TRIP12: variants seen among roughly 807,000 people sequenced by gnomAD.
TRIP12 encodes E3 ubiquitin-protein ligase TRIP12.
In TRIP12, 25 loss-of-function variants were observed where a neutral mutation model predicts 244.2. That is an observed-to-expected ratio of 0.10 (90% CI 0.07 to 0.14). The LOEUF (loss-of-function observed/expected upper bound fraction) is 0.14, where lower values mean the gene tolerates loss of function less well. Ranked by LOEUF, TRIP12 falls within the 10% of genes least tolerant of loss-of-function variation. The pLI, the probability that TRIP12 is intolerant of heterozygous loss-of-function variation, is 1.00. For synonymous variants in TRIP12, 905 were observed against 873.1 expected, an observed-to-expected ratio of 1.04 and a Z score of -0.64; for missense variants, 1,677 against 2,486.4, an observed-to-expected ratio of 0.67 and a Z score of 6.92.
In TRIP12 at chr2:229,788,832, T is replaced by A; in HGVS notation, c.4804A>T (p.Ile1602Phe). The change falls in exon 32 of 42, where the codon ATC becomes TTC. Residue 1602 changes from isoleucine (I) to phenylalanine (F), a missense_variant. By Grantham distance (21) the Ile-to-Phe change is conservative. This residue lies in a region of TRIP12 where 265 missense variants were observed against 370.8 expected (regional missense o/e 0.71). Transcript: ENST00000675903. The stretch of plus-strand genomic sequence containing the variant: ...CCTAGCTCAGTAAGCCATGTTGGGA[T>A]GTTTCCTGTCATGATTACTAAAGGA... ...QDPLVIMTGN[I>F]PTWLTELGKT... is the part of the protein sequence containing the mutation. 6.2e-7 allele frequency: 1 copy of A among 1,614,070 alleles called. No individual in the cohort carries two copies. Among genetic ancestry groups the A allele is most frequent in the Non-Finnish European group, 8.5e-7 (1 of 1,179,984 alleles).
chr2:229,805,222 A>AAACCACAAC, intron 18 of TRIP12, among the ~76,000 whole-genome samples: 1 of 149,366 alleles, frequency 6.7e-6, no homozygotes, highest in East Asian at 2.0e-4. Flanking sequence ...GCCCTTTTCA[A>AAACCACAAC]AACAACAACA....
intron 1 of TRIP12, among the ~76,000 whole-genome samples, chr2:229,909,516 C>T (rs866666907): frequency 1.3e-5 from 2 of 151,612 alleles, no homozygotes; most frequent in Non-Finnish European, 2.9e-5. Context: ...AGTGACTGTG[C>T]CACTGGACTC....
chr2:229,785,739 A>T lies in TRIP12; in HGVS notation c.5094+18T>A. On this transcript the variant is annotated intron_variant, in intron 34 of 41. Transcript: ENST00000675903. ...GCACAAGTCAAGCTAAATAACCATC[A>T]CCAGACTCCAAGCTCACCTCATTTT... 3.1e-6 allele frequency: 5 copies of T among 1,609,090 alleles called. No individual in the cohort carries two copies. The highest frequency in any genetic ancestry group is 4.2e-6 in the Non-Finnish European group (5 of 1,177,148).
In TRIP12 at chr2:229,864,047, AGTGTGTGTGTGT is replaced by A. The variant is rs371818159; in HGVS notation, c.99-3528_99-3517del. Among the ~76,000 whole-genome samples, 294 of 79,294 alleles carry A rather than the reference AGTGTGTGTGTGT, an allele frequency of 3.7e-3. 4 individuals are homozygous for A. Among genetic ancestry groups the A allele is most frequent in the African/African-American group, 0.014 (283 of 20,572 alleles). 52.0% of individuals were successfully genotyped at this position (79,294 alleles called of 152,430 possible). A position where few individuals can be genotyped will look rare whatever the true frequency, so the allele number is the denominator to read the frequency against. On this transcript the variant is annotated intron_variant, in intron 2 of 41. Transcript: ENST00000675903. ...GAGAGAGAGAGAGAGAGAGAGAGAG[AGTGTGTGTGTGT>A]GTGTGTGTGTGTGTGTGTGCACGCG...
At chr2:229,868,003 T>C (rs1242978346) in intron 2 of TRIP12, among the ~76,000 whole-genome samples, 2 of 152,188 alleles carry the variant, frequency 1.3e-5, no homozygotes, top group Admixed American at 6.5e-5. Flanking sequence ...AACCATGCCA[T>C]TGTTGAATAC....
chr2:229,873,921 G>A (rs1198193059), intron 2 of TRIP12, among the ~76,000 whole-genome samples: 17 of 152,078 alleles, frequency 1.1e-4, no homozygotes, highest in East Asian at 3.9e-4. Flanking sequence ...CTAGTCAGAT[G>A]TAAAAACGGG....
Position 229,792,303 on chromosome 2 carries a change from T to C in TRIP12, c.4142-77A>G, listed in dbSNP as rs1324052353. 5.2e-6 allele frequency: 7 copies of C among 1,338,418 alleles called. No homozygotes were observed. The East Asian group carries it at 1.6e-4, about 31-fold the overall frequency. 82.9% of individuals were successfully genotyped at this position (1,338,418 alleles called of 1,614,324 possible). Reference sequence around the variant, plus strand: ...AAAAAAATCCTGTATACACACTGGTTAAACATATTCTTAGAAAACACATAT... The same window carrying C: ...AAAAAAATCCTGTATACACACTGGTCAAACATATTCTTAGAAAACACATAT... On this transcript the variant is annotated intron_variant, in intron 27 of 41. Transcript: ENST00000675903.
intron 4 of TRIP12, among the ~76,000 whole-genome samples, chr2:229,843,105 C>A (rs1486420256): frequency 7.0e-6 from 1 of 142,992 alleles, no homozygotes. Flanking sequence ...TCTCTCCCTC[C>A]CTCTCTCCCC....
At chr2:229,860,267 G>T in intron 3 of TRIP12, 139 bp downstream of exon 3, 1 of 1,077,336 alleles carries the variant, frequency 9.3e-7, no homozygotes, top group Non-Finnish European at 1.3e-6. Flanking sequence ...GTGATAAACT[G>T]TCAATCCTAA....
chr2:229,854,703 A>G (rs958289891), intron 4 of TRIP12, among the ~76,000 whole-genome samples: 1 of 152,052 alleles, frequency 6.6e-6, no homozygotes, highest in Non-Finnish European at 1.5e-5. Flanking sequence ...ATTACCTGCC[A>G]ATTAATTCTA....
At chr2:229,807,372 G>T in intron 17 of TRIP12, 2 of 302,008 alleles carry the variant, frequency 6.6e-6, no homozygotes, top group South Asian at 3.9e-5. Context: ...CTTTGCTCAT[G>T]GGACATTGCT....
intron 1 of TRIP12, among the ~76,000 whole-genome samples, chr2:229,907,720 T>C (rs1464526993): frequency 6.6e-6 from 1 of 152,122 alleles, no homozygotes; most frequent in East Asian, 1.9e-4. Context: ...AGAGGACCAC[T>C]TGAGCCCACA....
intron 5 of TRIP12, among the ~76,000 whole-genome samples, chr2:229,840,535 C>G (rs2056139802): frequency 6.6e-6 from 1 of 151,956 alleles, no homozygotes. Flanking sequence ...AACCGCATCT[C>G]TACTAAAAAT....
At chr2:229,900,473 C>T (rs2070384655) in intron 1 of TRIP12, among the ~76,000 whole-genome samples, 1 of 152,108 alleles carries the variant, frequency 6.6e-6, no homozygotes, top group Non-Finnish European at 1.5e-5. Context: ...ATTTGCAGTC[C>T]CATACTACAG....
At chr2:229,877,881 A>G (rs527752811) in intron 2 of TRIP12, among the ~76,000 whole-genome samples, 83 of 152,346 alleles carry the variant, frequency 5.4e-4, no homozygotes, top group Non-Finnish European at 1.0e-3. Flanking sequence ...TCTAAAATGA[A>G]CATGTAACAC....
At chr2:229,814,599 TG>T in intron 11 of TRIP12, 2 of 300,578 alleles carry the variant, frequency 6.7e-6, no homozygotes, top group Non-Finnish European at 1.2e-5. Context: ...TTAAAATAGA[TG>T]AGTTGTTTTA....
chr2:229,796,572 G>T lies in TRIP12; in HGVS notation c.3816+19C>A. 1 of 1,554,446 alleles carries T rather than the reference G, an allele frequency of 6.4e-7. No individual in the cohort carries two copies. Among genetic ancestry groups the T allele is most frequent in the Non-Finnish European group, 8.7e-7 (1 of 1,154,108 alleles). On this transcript the variant is annotated intron_variant, in intron 25 of 41. Coordinates refer to ENST00000675903, the MANE Select transcript of TRIP12 (RefSeq NM_001348323.3). ...GCACTGATTCTTAAAAGATACACAGGCATTATTAGATAACTTACTGGAGAA... is the reference window on the plus strand; with the variant it reads ...GCACTGATTCTTAAAAGATACACAGTCATTATTAGATAACTTACTGGAGAA...
At chr2:229,829,377 C>A in intron 7 of TRIP12, 89 bp from the exon 8 acceptor site, 1 of 1,000,836 alleles carries the variant, frequency 1.0e-6, no homozygotes, top group South Asian at 1.6e-5. Context: ...ATTCATCTCG[C>A]TTAACTGATT....
At chr2:229,904,752 A>G (rs1241646462) in intron 1 of TRIP12, among the ~76,000 whole-genome samples, 4 of 152,224 alleles carry the variant, frequency 2.6e-5, no homozygotes, top group Admixed American at 6.5e-5. Context: ...GTCATTCGCT[A>G]CATGTTACGT....
Sources: allele counts gnomAD v4.1 joint callset (sites outside exome capture counted in the v4.1 genomes callset), GRCh38; gene constraint gnomAD v4.1.1; regional missense constraint gnomAD v4.1.1; transcripts MANE v1.5; gene names NCBI Gene and HGNC (gene_info 2026-07-23, HGNC 2026-07-21).